TMEM17: variants seen among roughly 807,000 people sequenced by gnomAD.
The protein encoded by TMEM17 is transmembrane protein 17.
TMEM17 carries 15 observed loss-of-function variants against 19.1 expected under a neutral mutation model. The ratio of observed to expected loss-of-function variants is 0.78; its 90% CI spans 0.52 to 1.21. The LOEUF (loss-of-function observed/expected upper bound fraction) is 1.21. Ranked by LOEUF, TMEM17 falls within the 50% of genes most tolerant of loss-of-function variation. TMEM17 has a pLI of 0.00. For synonymous variants in TMEM17, 103 were observed against 86.9 expected (o/e 1.19, Z -1.03); for missense variants, 245 against 242.3 (o/e 1.01, Z -0.07).
the TMEM17 span, among the ~76,000 whole-genome samples, chr2:62,481,984 C>T: frequency 6.6e-6 from 1 of 152,196 alleles, no homozygotes; most frequent in Non-Finnish European, 1.5e-5. Context: ...CTGGCATCCT[C>T]TGTCATGGAA....
At chr2:62,487,718 G>A in the TMEM17 span, among the ~76,000 whole-genome samples, 15 of 152,194 alleles carry the variant, frequency 9.9e-5, no homozygotes, top group Non-Finnish European at 1.6e-4. Context: ...TGTTCGAGAC[G>A]AAGTCTCGCT....
chr2:62,477,397 A>AAAAC, the TMEM17 span, among the ~76,000 whole-genome samples: 150,267 of 151,852 alleles, frequency 0.99, 74,353 homozygotes, highest in East Asian at 1. Flanking sequence ...ACTCCGTCTC[A>AAAAC]AAACAAACAA....
chr2:62,478,704 T>G, the TMEM17 span, among the ~76,000 whole-genome samples: 5 of 152,236 alleles, frequency 3.3e-5, no homozygotes, highest in African/African-American at 1.2e-4. Flanking sequence ...GTACTATGCT[T>G]CTGGTAGGTT....
chr2:62,463,853 G>C, the TMEM17 span: 3 of 152,272 alleles, frequency 2.0e-5, no homozygotes, highest in African/African-American at 7.2e-5. Flanking sequence ...AGCTGGCAGA[G>C]AGGAGAAGCA....
chr2:62,493,669 CT>C, the TMEM17 span, among the ~76,000 whole-genome samples: 5 of 152,164 alleles, frequency 3.3e-5, no homozygotes, highest in Admixed American at 6.5e-5. Context: ...TTAGGAGATT[CT>C]TTTGAAATGT....
chr2:62,490,263 GTAT>G, the TMEM17 span, among the ~76,000 whole-genome samples: 3 of 151,632 alleles, frequency 2.0e-5, no homozygotes, highest in Admixed American at 6.6e-5. Flanking sequence ...ATGCATGTGT[GTAT>G]TATTATTATT....
the TMEM17 span, among the ~76,000 whole-genome samples, chr2:62,473,330 G>A: frequency 6.6e-6 from 1 of 152,152 alleles, no homozygotes; most frequent in Admixed American, 6.5e-5. Context: ...CTGATCCCAG[G>A]CTCAGCTGCT....
rs532901509 is a variant in TMEM17, at chr2:62,505,234, T to C, written c.100+796A>G. 5.9e-5 allele frequency among the ~76,000 whole-genome samples: 9 copies of C among 152,236 alleles called. No individual in the cohort carries two copies. In the South Asian group the frequency reaches 1.9e-3, roughly 32 times the overall value. ...AAAACCACATGGGTTTGGTTGACAG[T>C]GTGTTGTCTACCATCATGATGTAGG... On this transcript the variant is annotated intron_variant, in intron 1 of 3. Coordinates refer to ENST00000335390, the MANE Select transcript of TMEM17 (RefSeq NM_198276.3).
At chr2:62,456,910 G>A in the TMEM17 span, among the ~76,000 whole-genome samples, 1 of 152,238 alleles carries the variant, frequency 6.6e-6, no homozygotes, top group East Asian at 1.9e-4. Context: ...GCGGGGACAG[G>A]ACCAGAACTT....
the TMEM17 span, among the ~76,000 whole-genome samples, chr2:62,487,929 A>C: frequency 6.6e-6 from 1 of 152,168 alleles, no homozygotes; most frequent in Non-Finnish European, 1.5e-5. Context: ...TCCTGACCTG[A>C]GGTGATCCGC....
chr2:62,498,841 A>G (rs1679845805), downstream of TMEM17, among the ~76,000 whole-genome samples: 1 of 152,164 alleles, frequency 6.6e-6, no homozygotes, highest in Non-Finnish European at 1.5e-5. Flanking sequence ...AGTGTTGTAA[A>G]TCCTTAGAAG....
chr2:62,477,258 G>A, the TMEM17 span, among the ~76,000 whole-genome samples: 10 of 152,266 alleles, frequency 6.6e-5, no homozygotes, highest in East Asian at 1.9e-4. Context: ...TTAGCCTGGC[G>A]TAGTGGCAGG....
chr2:62,482,649 C>A, the TMEM17 span, among the ~76,000 whole-genome samples: 1 of 152,182 alleles, frequency 6.6e-6, no homozygotes, highest in Non-Finnish European at 1.5e-5. Flanking sequence ...TTCCCTAGAG[C>A]TTTTCTACCA....
At chr2:62,460,244 C>T in the TMEM17 span, among the ~76,000 whole-genome samples, 1 of 152,210 alleles carries the variant, frequency 6.6e-6, no homozygotes, top group African/African-American at 2.4e-5. Context: ...CTGCTGCACA[C>T]ATTTTACAGA....
downstream of TMEM17, among the ~76,000 whole-genome samples, chr2:62,498,731 T>TAAA (rs1371952307): frequency 3.4e-5 from 5 of 148,336 alleles, no homozygotes; most frequent in African/African-American, 1.0e-4. Context: ...TAAAATAAAA[T>TAAA]AAAATAAAAT....
At chr2:62,482,759 G>A in the TMEM17 span, among the ~76,000 whole-genome samples, 3 of 152,180 alleles carry the variant, frequency 2.0e-5, no homozygotes, top group Non-Finnish European at 2.9e-5. Flanking sequence ...CTGAAGGGTA[G>A]AAAAGAAAGA....
chr2:62,499,844 C>G (rs1679874293), downstream of TMEM17, among the ~76,000 whole-genome samples: 1 of 152,190 alleles, frequency 6.6e-6, no homozygotes. Context: ...CCAACAGTCA[C>G]TTAAATATAA....
At position 62,501,271 on chromosome 2, in the gene TMEM17, CAA is replaced by C. The variant is rs1337203348; in HGVS notation, c.533_534del (p.Phe178Ter). On this transcript the variant is annotated frameshift_variant, in exon 4 of 4. Coordinates refer to ENST00000335390, the MANE Select transcript of TMEM17 (RefSeq NM_198276.3). LOFTEE classifies it high-confidence loss of function. ...QLAVRFHLQDFDRLSANRGDM... is the reference protein window; with the variant it reads ...QLAVRFHLQDXDRLSANRGDM... ...TCTCCTCTGTTTGCAGAGAGCCGGT[CAA>C]AGTCTTGGAGGTGGAAACGAACTGC... The C allele has an allele frequency of 2.5e-6, 4 of 1,614,022 alleles. No individual in the cohort carries two copies. In the Admixed American group the frequency reaches 6.7e-5, roughly 27 times the overall value.
the TMEM17 span, among the ~76,000 whole-genome samples, chr2:62,465,553 G>A: frequency 1.1e-4 from 16 of 151,772 alleles, no homozygotes; most frequent in South Asian, 4.2e-4. Flanking sequence ...CAGGAGGATC[G>A]CTTGAGCTCA....
Sources: gnomAD v4.1 joint callset for allele counts (sites outside exome capture counted in the v4.1 genomes callset) on GRCh38, gnomAD v4.1.1 for gene constraint, MANE v1.5 for transcripts, NCBI Gene and HGNC (gene_info 2026-07-23, HGNC 2026-07-21) for gene names.